The following QSOX1 variants were observed in gnomAD, a reference collection of about 807,000 sequenced individuals.
QSOX1 encodes sulfhydryl oxidase 1.
Under a neutral mutation model 76.1 loss-of-function variants are expected in QSOX1, and 40 were observed. The observed-to-expected ratio is 0.53, with a 90% CI of 0.41 to 0.68. The LOEUF (loss-of-function observed/expected upper bound fraction) is 0.68, where lower values mean the gene tolerates loss of function less well. Ranked by LOEUF, QSOX1 falls within the 30% of genes least tolerant of loss-of-function variation. QSOX1 has a pLI of 0.00. For synonymous variants in QSOX1, 392 were observed against 413.1 expected, an observed-to-expected ratio of 0.95 and a Z score of 0.62; for missense variants, 931 against 974.3, an observed-to-expected ratio of 0.96 and a Z score of 0.59.
At chr1:180,164,495 A>G (rs1662566160) in intron 1 of QSOX1, among the ~76,000 whole-genome samples, 1 of 151,992 alleles carries the variant, frequency 6.6e-6, no homozygotes, top group African/African-American at 2.4e-5. Flanking sequence ...AAGGTGGGGG[A>G]AAGAAGGGGG....
At chr1:180,195,960 C>A (rs950760855) in intron 11 of QSOX1, among the ~76,000 whole-genome samples, 3 of 152,168 alleles carry the variant, frequency 2.0e-5, no homozygotes, top group African/African-American at 7.2e-5. Flanking sequence ...CATAGCAGGA[C>A]AGTGGGTCTG....
intron 1 of QSOX1, among the ~76,000 whole-genome samples, chr1:180,162,322 G>T (rs912054908): frequency 3.9e-5 from 6 of 152,168 alleles, no homozygotes; most frequent in African/African-American, 1.4e-4. Context: ...CCCCTTTGCA[G>T]AATCTTTGAG....
chr1:180,155,824 C>G (rs951796714), intron 1 of QSOX1, among the ~76,000 whole-genome samples: 1 of 152,330 alleles, frequency 6.6e-6, no homozygotes, highest in Admixed American at 6.5e-5. Context: ...ATCCTTCTCT[C>G]TCTTCCCCCG....
chr1:180,190,420 A>T lies in QSOX1; in HGVS notation c.1141-13A>T. Reference sequence around the variant, plus strand: ...CTTCTCCATATGTGCACTCACACTCATGTGTCCCTCAGGGTGCCGTTCTTG... The same window carrying T: ...CTTCTCCATATGTGCACTCACACTCTTGTGTCCCTCAGGGTGCCGTTCTTG... On this transcript the variant is annotated splice_polypyrimidine_tract_variant and intron_variant, in intron 9 of 11. Coordinates refer to ENST00000367602, the MANE Select transcript of QSOX1 (RefSeq NM_002826.5). 6.2e-7 allele frequency: 1 copy of T among 1,610,198 alleles called. No individual in the cohort carries two copies. Among genetic ancestry groups the T allele is most frequent in the East Asian group, 2.2e-5 (1 of 44,868 alleles).
chr1:180,158,288 G>T (rs1572036144), intron 1 of QSOX1, among the ~76,000 whole-genome samples: 1 of 152,224 alleles, frequency 6.6e-6, no homozygotes, highest in Admixed American at 6.5e-5. Context: ...TAAGGCGTGT[G>T]TTTGAGTGAC....
rs570213444 is a variant in QSOX1, at chr1:180,165,880, A to C, written c.266-611A>C. 4.7e-3 allele frequency among the ~76,000 whole-genome samples: 720 copies of C among 152,330 alleles called. 6 individuals carry two copies. The highest frequency in any genetic ancestry group is 0.016 in the African/African-American group (670 of 41,578). ...CAGCAGCCTTGTGGCCCGGGGCCTG[A>C]TGCAGGGGCCAGACTCTGGCCTCAA... On this transcript the variant is annotated intron_variant, in intron 1 of 11. Coordinates refer to ENST00000367602, the MANE Select transcript of QSOX1 (RefSeq NM_002826.5).
At chr1:180,194,175 C>T in intron 10 of QSOX1, 38 bp from the exon 11 acceptor site, 1 of 1,566,810 alleles carries the variant, frequency 6.4e-7, no homozygotes, top group Non-Finnish European at 8.7e-7. Flanking sequence ...GGCTGGCAGC[C>T]TGAAGGGCTG....
Position 180,197,266 on chromosome 1 carries a change from A to G in QSOX1, c.*229A>G. On this transcript the variant is annotated 3_prime_UTR_variant, in exon 12 of 12. Coordinates refer to ENST00000367602, the MANE Select transcript of QSOX1 (RefSeq NM_002826.5). Reference sequence around the variant, plus strand: ...GGTTCCCCTGCTGTGCAGGGAGGGCAGCCCCGGGCAGTGGGCATAGGGCAG... The same window carrying G: ...GGTTCCCCTGCTGTGCAGGGAGGGCGGCCCCGGGCAGTGGGCATAGGGCAG... The G allele has an allele frequency of 6.2e-7, 1 of 1,612,056 alleles. No homozygotes were observed. The highest frequency in any genetic ancestry group is 1.3e-5 in the African/African-American group (1 of 75,036).
intron 2 of QSOX1, among the ~76,000 whole-genome samples, chr1:180,175,106 G>A (rs1348583018): frequency 1.3e-5 from 2 of 149,904 alleles, no homozygotes; most frequent in African/African-American, 4.9e-5. Flanking sequence ...GCAGTGAGCC[G>A]AGATCGCGCC....
chr1:180,155,118 G>A lies in QSOX1; in HGVS notation c.211G>A (p.Gly71Ser). 3 of 1,521,640 alleles carry A rather than the reference G, an allele frequency of 2.0e-6. No individual in the cohort carries two copies. The highest frequency in any genetic ancestry group is 5.3e-5 in the East Asian group (2 of 37,810). 94.3% of individuals were successfully genotyped at this position (1,521,640 alleles called of 1,614,324 possible). ...WAVEFFASWC[G>S]HCIAFAPTWK... ...CGTGGAGTTCTTCGCCTCCTGGTGC[G>A]GCCACTGCATCGCCTTCGCCCCGAC... The change falls in exon 1 of 12, where the codon GGC becomes AGC. Residue 71 changes from glycine to serine, a missense_variant. Coordinates refer to ENST00000367602, the MANE Select transcript of QSOX1 (RefSeq NM_002826.5).
intron 1 of QSOX1, among the ~76,000 whole-genome samples, chr1:180,160,945 A>G (rs565911463): frequency 7.2e-4 from 109 of 152,350 alleles, no homozygotes; most frequent in African/African-American, 2.5e-3. Flanking sequence ...AATTCAATCC[A>G]TCTTATAGGT....
chr1:180,197,512 T>A lies in QSOX1; in HGVS notation c.*475T>A. The A allele has an allele frequency of 9.3e-7, 1 of 1,071,852 alleles. No homozygotes were observed. 66.4% of individuals were successfully genotyped at this position (1,071,852 alleles called of 1,614,324 possible). ...CTCCCTTCCGGACAATGAAGAAGCC[T>A]TTGCACCCTGGGAGGAAGGACCACC... On this transcript the variant is annotated 3_prime_UTR_variant, in exon 12 of 12. Transcript: ENST00000367602.
chr1:180,202,022 C>T lies in QSOX1; in HGVS notation c.*4985C>T, dbSNP rs1440787355. On this transcript the variant is annotated 3_prime_UTR_variant, in exon 12 of 12. Coordinates refer to ENST00000367602, the MANE Select transcript of QSOX1 (RefSeq NM_002826.5). The stretch of plus-strand genomic sequence containing the variant: ...GTCTCTCTGGCCACCCTCACTGGCC[C>T]CATCACTCCAGGTTGCACTGCTGCC... 1.3e-5 allele frequency: 2 copies of T among 152,318 alleles called. No homozygotes were observed. Among genetic ancestry groups the T allele is most frequent in the Non-Finnish European group, 2.9e-5 (2 of 68,114 alleles). The allele number at this position is 152,318 out of a possible 1,614,324, so 9.4% of individuals were successfully genotyped here.
At chr1:180,182,057 G>GT (rs1663050960) in intron 5 of QSOX1, 117 bp from the exon 6 acceptor site, 3 of 1,002,552 alleles carry the variant, frequency 3.0e-6, no homozygotes, top group East Asian at 2.6e-5. Flanking sequence ...TGTGGGTTTA[G>GT]AGTCTGGAAG....
At chr1:180,190,130 AG>A (rs2149241646) in intron 9 of QSOX1, among the ~76,000 whole-genome samples, 4 of 152,360 alleles carry the variant, frequency 2.6e-5, no homozygotes, top group African/African-American at 9.6e-5. Context: ...CACTGCAGCC[AG>A]CAGAGGTGTA....
Position 180,203,050 on chromosome 1 carries a change from G to GACAGAGCGAGACTCTGTCTCAAAAA in QSOX1, c.*6015_*6039dup, listed in dbSNP as rs907767971. On this transcript the variant is annotated 3_prime_UTR_variant, in exon 12 of 12. Coordinates refer to ENST00000367602, the MANE Select transcript of QSOX1 (RefSeq NM_002826.5). The stretch of plus-strand genomic sequence containing the variant: ...CGCGCCATTGCACTCCAGCCTGGGG[G>GACAGAGCGAGACTCTGTCTCAAAAA]ACAGAGCGAGACTCTGTCTCAAAAA... 6.6e-6 allele frequency: 1 copy of GACAGAGCGAGACTCTGTCTCAAAAA among 151,996 alleles called. No individual in the cohort carries two copies. The allele number at this position is 151,996 out of a possible 1,614,324, so 9.4% of individuals were successfully genotyped here.
chr1:180,182,117 A>G, intron 5 of QSOX1, 57 bp from the exon 6 acceptor site: 2 of 1,598,392 alleles, frequency 1.3e-6, no homozygotes, highest in Admixed American at 1.7e-5. Context: ...GCTGGGACCC[A>G]GCCCTGGCTC....
At chr1:180,160,056 G>C (rs1290952029) in intron 1 of QSOX1, among the ~76,000 whole-genome samples, 1 of 152,090 alleles carries the variant, frequency 6.6e-6, no homozygotes, top group African/African-American at 2.4e-5. Flanking sequence ...ATTCAGCAGA[G>C]GGCTGCATAT....
At chr1:180,166,836 G>A (rs1407435544) in intron 2 of QSOX1, among the ~76,000 whole-genome samples, 1 of 152,186 alleles carries the variant, frequency 6.6e-6, no homozygotes, top group East Asian at 1.9e-4. Flanking sequence ...TTCAGGCTCT[G>A]ACCCACCTGT....
Sources: gnomAD v4.1 joint callset for allele counts (sites outside exome capture counted in the v4.1 genomes callset) on GRCh38, gnomAD v4.1.1 for gene constraint, MANE v1.5 for transcripts, NCBI Gene and HGNC (gene_info 2026-07-23, HGNC 2026-07-21) for gene names.